CCDC6: variants seen among roughly 807,000 people sequenced by gnomAD.
CCDC6 encodes the protein coiled-coil domain containing 6.
CCDC6 carries 20 observed loss-of-function variants against 56.6 expected under a neutral mutation model. The ratio of observed to expected loss-of-function variants is 0.35; its 90% CI spans 0.25 to 0.51. CCDC6 has a LOEUF of 0.51. Ranked by LOEUF, CCDC6 falls within the 20% of genes least tolerant of loss-of-function variation. The pLI, the probability that CCDC6 is intolerant of heterozygous loss-of-function variation, is 0.95. For synonymous variants in CCDC6, 241 were observed against 234.4 expected (o/e 1.03, Z -0.26); for missense variants, 367 against 601.1 (o/e 0.61, Z 4.07).
intron 2 of CCDC6, among the ~76,000 whole-genome samples, chr10:59,847,538 T>C (rs1431332235): frequency 6.6e-6 from 1 of 152,116 alleles, no homozygotes; most frequent in African/African-American, 2.4e-5. Flanking sequence ...GGGGGTTCAG[T>C]GCACTGCTGC....
intron 2 of CCDC6, among the ~76,000 whole-genome samples, chr10:59,843,140 C>T (rs1216656094): frequency 6.6e-6 from 1 of 152,188 alleles, no homozygotes; most frequent in Non-Finnish European, 1.5e-5. Flanking sequence ...CCCGCCTCAG[C>T]CTCCGAAAGT....
chr10:59,791,987 G>A lies in CCDC6; in HGVS notation c.*930C>T, dbSNP rs2132618015. ...TCCATTTCAAATAGTATTTTCTAAT[G>A]GTATTTTGCACCTTTAAAATATTTG... On this transcript the variant is annotated 3_prime_UTR_variant, in exon 9 of 9. Coordinates refer to ENST00000263102, the MANE Select transcript of CCDC6 (RefSeq NM_005436.5). 1 of 221,386 alleles carries A rather than the reference G, an allele frequency of 4.5e-6. No homozygotes were observed. The highest frequency in any genetic ancestry group is 9.1e-6 in the Non-Finnish European group (1 of 110,358). 13.7% of individuals were successfully genotyped at this position (221,386 alleles called of 1,614,324 possible). A position where few individuals can be genotyped will look rare whatever the true frequency, so the allele number is the denominator to read the frequency against.
chr10:59,870,358 G>C (rs1342073087), intron 1 of CCDC6, among the ~76,000 whole-genome samples: 1 of 152,118 alleles, frequency 6.6e-6, no homozygotes, highest in Non-Finnish European at 1.5e-5. Flanking sequence ...TGCTCTTGGA[G>C]GAGCTCAGAG....
intron 3 of CCDC6, among the ~76,000 whole-genome samples, chr10:59,831,286 A>C (rs1313803362): frequency 6.6e-6 from 1 of 152,178 alleles, no homozygotes; most frequent in Non-Finnish European, 1.5e-5. Context: ...GGATGACAAC[A>C]CTTTTAGGGT....
chr10:59,832,689 G>T, intron 2 of CCDC6, 36 bp from the exon 3 acceptor site: 1 of 1,604,406 alleles, frequency 6.2e-7, no homozygotes, highest in Non-Finnish European at 8.5e-7. Flanking sequence ...TGGAAATCAG[G>T]CAACTCAAAT....
chr10:59,839,729 G>A (rs1589046176), intron 2 of CCDC6, among the ~76,000 whole-genome samples: 1 of 152,098 alleles, frequency 6.6e-6, no homozygotes, highest in African/African-American at 2.4e-5. Flanking sequence ...AAATGAACTT[G>A]TTACTCATTG....
At chr10:59,838,992 T>A (rs1451949217) in intron 2 of CCDC6, among the ~76,000 whole-genome samples, 1 of 152,202 alleles carries the variant, frequency 6.6e-6, no homozygotes, top group Non-Finnish European at 1.5e-5. Context: ...ATGATGTGTT[T>A]CTGTATCTTT....
chr10:59,856,339 C>A, intron 1 of CCDC6, among the ~76,000 whole-genome samples: 1 of 116,096 alleles, frequency 8.6e-6, no homozygotes. Flanking sequence ...CCAATACAGC[C>A]TTAGGTAAAA....
intron 1 of CCDC6, among the ~76,000 whole-genome samples, chr10:59,899,128 AAGTTAACACC>A (rs2071485560): frequency 6.6e-6 from 1 of 152,180 alleles, no homozygotes; most frequent in Non-Finnish European, 1.5e-5. Flanking sequence ...AAGAATCTGC[AAGTTAACACC>A]ACCCCAAGAT....
At chr10:59,812,227 T>C (rs151211497) in intron 5 of CCDC6, among the ~76,000 whole-genome samples, 226 of 152,296 alleles carry the variant, frequency 1.5e-3, no homozygotes, top group African/African-American at 5.2e-3. Flanking sequence ...TCAAATAGCA[T>C]GAACAAATGT....
intron 3 of CCDC6, among the ~76,000 whole-genome samples, chr10:59,821,228 GTGAC>G (rs2070747586): frequency 6.6e-6 from 1 of 152,202 alleles, no homozygotes; most frequent in African/African-American, 2.4e-5. Context: ...TTGGAAAGAA[GTGAC>G]TAACAGAATT....
intron 5 of CCDC6, among the ~76,000 whole-genome samples, chr10:59,810,410 T>C (rs529387979): frequency 1.3e-5 from 2 of 152,264 alleles, no homozygotes; most frequent in South Asian, 4.1e-4. Context: ...AACAGTGCAG[T>C]ATGGAGATAG....
intron 2 of CCDC6, among the ~76,000 whole-genome samples, chr10:59,846,798 G>A (rs145573043): frequency 1.1e-3 from 165 of 152,288 alleles, no homozygotes; most frequent in Non-Finnish European, 1.9e-3. Flanking sequence ...TCCTACCCCA[G>A]TTGTAATCTA....
intron 2 of CCDC6, among the ~76,000 whole-genome samples, chr10:59,848,627 TAAAC>T (rs970112550): frequency 1.3e-5 from 2 of 152,148 alleles, no homozygotes; most frequent in East Asian, 1.9e-4. Context: ...GTCTCAAAAA[TAAAC>T]AAATAAGATT....
chr10:59,800,262 T>C (rs528289378), intron 7 of CCDC6, among the ~76,000 whole-genome samples: 6 of 152,240 alleles, frequency 3.9e-5, no homozygotes, highest in Non-Finnish European at 7.3e-5. Flanking sequence ...TCAGCTTCCA[T>C]GTGTGCTCTC....
At chr10:59,795,232 C>T (rs887012820) in intron 7 of CCDC6, among the ~76,000 whole-genome samples, 1 of 151,782 alleles carries the variant, frequency 6.6e-6, no homozygotes, top group Admixed American at 6.6e-5. Flanking sequence ...GGTGAATATG[C>T]GAAATACATA....
intron 1 of CCDC6, among the ~76,000 whole-genome samples, chr10:59,867,462 G>A (rs2071186897): frequency 6.6e-6 from 1 of 152,174 alleles, no homozygotes; most frequent in East Asian, 1.9e-4. Context: ...CTACTTTGGA[G>A]GCTTCATATG....
chr10:59,814,637 C>A lies in CCDC6; in HGVS notation c.686+15G>T. ...ACACACACACACCCATACTGAACAG[C>A]AAGACTAAACAAACCGCTTTTCAGC... is the stretch of plus-strand genomic sequence containing the variant. On this transcript the variant is annotated intron_variant, in intron 4 of 8. Coordinates refer to ENST00000263102, the MANE Select transcript of CCDC6 (RefSeq NM_005436.5). 6.5e-7 allele frequency: 1 copy of A among 1,539,700 alleles called. No individual in the cohort carries two copies. The highest frequency in any genetic ancestry group is 1.7e-5 in the Admixed American group (1 of 59,834).
intron 2 of CCDC6, among the ~76,000 whole-genome samples, chr10:59,834,912 T>C (rs748074429): frequency 1.4e-4 from 22 of 152,220 alleles, no homozygotes; most frequent in Non-Finnish European, 2.5e-4. Context: ...GCAAAGCATG[T>C]TCATCTGCGC....
Sources: allele counts gnomAD v4.1 joint callset (sites outside exome capture counted in the v4.1 genomes callset), GRCh38; gene constraint gnomAD v4.1.1; transcripts MANE v1.5; gene names NCBI Gene and HGNC (gene_info 2026-07-23, HGNC 2026-07-21).